SYNPO2: variants seen among roughly 807,000 people sequenced by gnomAD.
SYNPO2 encodes synaptopodin 2.
A neutral mutation model predicts 85.0 loss-of-function variants in SYNPO2; 56 were observed. The observed-to-expected ratio is 0.66, with a 90% confidence interval of 0.53 to 0.82. The LOEUF (loss-of-function observed/expected upper bound fraction) is 0.82, where lower values mean the gene tolerates loss of function less well. Among genes scored for constraint, SYNPO2 ranks in the 40% least tolerant of loss-of-function variants. SYNPO2 has a pLI of 0.00. For synonymous variants in SYNPO2, 602 were observed against 591.1 expected, an observed-to-expected ratio of 1.02 and a Z score of -0.27; for missense variants, 1,575 against 1,534.2, an observed-to-expected ratio of 1.03 and a Z score of -0.44.
rs970295673 is a variant in SYNPO2 at position 119,044,761 on chromosome 4, G to A, written c.3253-12640G>A. 2.0e-5 allele frequency among the ~76,000 whole-genome samples: 3 copies of A among 152,276 alleles called. No homozygotes were observed. The East Asian group carries it at 5.8e-4, about 29-fold the overall frequency. On this transcript the variant is annotated intron_variant, in intron 4 of 4. Transcript: ENST00000307142. The stretch of plus-strand genomic sequence containing the variant: ...GGTTAAACAATTTCCCCAGGGCCCA[G>A]GATATTAATCAAAGGTTCCATTTAA...
chr4:118,944,774 C>G (rs1316366191), intron 1 of SYNPO2, among the ~76,000 whole-genome samples: 1 of 152,154 alleles, frequency 6.6e-6, no homozygotes, highest in Non-Finnish European at 1.5e-5. Flanking sequence ...TTTTCAATGG[C>G]TTTGTATGAT....
intron 4 of SYNPO2, chr4:119,043,165 G>GT (rs895812407): frequency 1.1e-4 from 16 of 150,950 alleles, no homozygotes; most frequent in South Asian, 6.3e-4. Flanking sequence ...TTACTGCCAT[G>GT]TTTTTTTTTG....
At chr4:118,879,400 A>C (rs999857862) in intron 1 of SYNPO2, among the ~76,000 whole-genome samples, 1 of 152,196 alleles carries the variant, frequency 6.6e-6, no homozygotes, top group Non-Finnish European at 1.5e-5. Flanking sequence ...TATATTTGGA[A>C]GTGGGGCTGT....
chr4:119,008,356 G>A (rs531909848), intron 1 of SYNPO2, among the ~76,000 whole-genome samples: 1 of 152,084 alleles, frequency 6.6e-6, no homozygotes, highest in East Asian at 1.9e-4. Context: ...TCAGTACTAA[G>A]TGAATGAATG....
intron 1 of SYNPO2, among the ~76,000 whole-genome samples, chr4:118,895,376 T>C (rs1418312723): frequency 6.6e-6 from 1 of 152,214 alleles, no homozygotes. Flanking sequence ...TATTTATTCA[T>C]AACTGAATGA....
intron 1 of SYNPO2, among the ~76,000 whole-genome samples, chr4:118,898,018 T>G (rs570183765): frequency 1.3e-5 from 2 of 152,290 alleles, no homozygotes; most frequent in East Asian, 3.9e-4. Flanking sequence ...AAAATAGAAG[T>G]AGGCTAGAAA....
upstream of SYNPO2, among the ~76,000 whole-genome samples, chr4:118,885,528 A>AGT (rs1334852262): frequency 6.8e-6 from 1 of 148,138 alleles, no homozygotes; most frequent in Non-Finnish European, 1.5e-5. Context: ...GCTGGAGTGC[A>AGT]GTGGTACGGT....
chr4:119,052,757 T>C (rs1197243305), intron 4 of SYNPO2, among the ~76,000 whole-genome samples: 1 of 152,194 alleles, frequency 6.6e-6, no homozygotes, highest in Non-Finnish European at 1.5e-5. Context: ...GCATCATCTA[T>C]TTCAAAATAA....
chr4:119,007,263 T>TATATAC (rs1737103618), intron 1 of SYNPO2, among the ~76,000 whole-genome samples: 1 of 77,784 alleles, frequency 1.3e-5, no homozygotes, highest in Non-Finnish European at 2.4e-5. Context: ...CATATATATA[T>TATATAC]ATATATATAT....
At chr4:118,886,532 T>C (rs1162499879), upstream of SYNPO2, among the ~76,000 whole-genome samples, 2 of 152,224 alleles carry the variant, frequency 1.3e-5, no homozygotes, top group African/African-American at 4.8e-5. Flanking sequence ...GCTAGTTTGC[T>C]GAGAATGATG....
At chr4:118,974,084 A>G (rs1307871528) in intron 1 of SYNPO2, among the ~76,000 whole-genome samples, 1 of 152,254 alleles carries the variant, frequency 6.6e-6, no homozygotes, top group East Asian at 1.9e-4. Flanking sequence ...AATGAGAGTT[A>G]AACATAGCTA....
At chr4:119,035,856 G>A (rs553019958) in intron 4 of SYNPO2, 4 of 984,212 alleles carry the variant, frequency 4.1e-6, no homozygotes, top group Non-Finnish European at 4.8e-6. Flanking sequence ...ACATTGAAAG[G>A]GGGTAGACTA....
intron 1 of SYNPO2, among the ~76,000 whole-genome samples, chr4:118,854,055 G>T (rs1235943128): frequency 6.6e-6 from 1 of 152,154 alleles, no homozygotes; most frequent in Non-Finnish European, 1.5e-5. Flanking sequence ...AATATTTAGT[G>T]AAAAATTAAG....
chr4:118,888,386 C>T (rs1337625866), upstream of SYNPO2, among the ~76,000 whole-genome samples: 1 of 152,116 alleles, frequency 6.6e-6, no homozygotes, highest in Admixed American at 6.5e-5. Context: ...TTTGTTTCCT[C>T]TTATAGGAAT....
chr4:118,971,340 A>C (rs1475614877), intron 1 of SYNPO2, among the ~76,000 whole-genome samples: 1 of 152,214 alleles, frequency 6.6e-6, no homozygotes, highest in African/African-American at 2.4e-5. Flanking sequence ...CAGTGTTTTC[A>C]AGACAGCAGA....
intron 1 of SYNPO2, among the ~76,000 whole-genome samples, chr4:118,937,146 T>C (rs1734135291): frequency 6.6e-6 from 1 of 152,188 alleles, no homozygotes; most frequent in Admixed American, 6.5e-5. Context: ...AACTCTCCAG[T>C]TACTTTTCAC....
chr4:119,052,661 C>T (rs1739091336), intron 4 of SYNPO2, among the ~76,000 whole-genome samples: 1 of 152,182 alleles, frequency 6.6e-6, no homozygotes. Flanking sequence ...AGGAAGGCAG[C>T]CTTTCTGAAG....
At chr4:118,929,978 TATA>T (rs1262502256) in intron 1 of SYNPO2, among the ~76,000 whole-genome samples, 1 of 152,184 alleles carries the variant, frequency 6.6e-6, no homozygotes, top group African/African-American at 2.4e-5. Flanking sequence ...AATAGATGGT[TATA>T]ATGATAAACG....
At chr4:118,952,937 A>C (rs995993967) in intron 1 of SYNPO2, among the ~76,000 whole-genome samples, 2 of 152,188 alleles carry the variant, frequency 1.3e-5, no homozygotes, top group Non-Finnish European at 2.9e-5. Flanking sequence ...ATAATTTTTA[A>C]AAAATTATAC....
Sources: gnomAD v4.1 joint callset for allele counts (sites outside exome capture counted in the v4.1 genomes callset) on GRCh38, gnomAD v4.1.1 for gene constraint, MANE v1.5 for transcripts, NCBI Gene and HGNC (gene_info 2026-07-23, HGNC 2026-07-21) for gene names.